The following HIP1R variants were observed in gnomAD, a reference collection of about 807,000 sequenced individuals.
HIP1R encodes huntingtin-interacting protein 1-related protein.
In HIP1R, 135 loss-of-function variants were observed where a neutral mutation model predicts 144.2. The ratio of observed to expected loss-of-function variants is 0.94; its 90% CI spans 0.81 to 1.08. HIP1R has a LOEUF of 1.08. HIP1R is among the 50% of genes least tolerant of loss of function. The pLI, the probability that HIP1R is intolerant of heterozygous loss-of-function variation, is 0.00. For synonymous variants in HIP1R, 698 were observed against 612.8 expected, an observed-to-expected ratio of 1.14 and a Z score of -2.05; for missense variants, 1,462 against 1,432.8, an observed-to-expected ratio of 1.02 and a Z score of -0.33.
chr12:122,837,755 G>A (rs528802642), intron 1 of HIP1R, among the ~76,000 whole-genome samples: 2 of 152,354 alleles, frequency 1.3e-5, no homozygotes, highest in Admixed American at 6.5e-5. Context: ...TGGAGTTTGA[G>A]TTCATTGTCT....
rs2033781199 is a variant in HIP1R at position 122,861,795 on chromosome 12, G to A, written c.*42G>A. 1.3e-6 allele frequency: 2 copies of A among 1,599,176 alleles called. No homozygotes were observed. The highest frequency in any genetic ancestry group is 8.6e-7 in the Non-Finnish European group (1 of 1,167,712). ...GCAGGGTGGCTGGTGACAGGCCTGGGCCTCTGCAACTGCCCTGACAGGACC... is the reference window on the plus strand; with the variant it reads ...GCAGGGTGGCTGGTGACAGGCCTGGACCTCTGCAACTGCCCTGACAGGACC... On this transcript the variant is annotated 3_prime_UTR_variant, in exon 32 of 32. Transcript: ENST00000253083.
chr12:122,856,037 G>T lies in HIP1R; in HGVS notation c.1186G>T (p.Glu396Ter). 1 of 1,596,148 alleles carries T rather than the reference G, an allele frequency of 6.3e-7. No homozygotes were observed. Among genetic ancestry groups the T allele is most frequent in the South Asian group, 1.1e-5 (1 of 88,270 alleles). Reference sequence around the variant, plus strand: ...GGTGAATGCACTGGAGGGTGAGCTGGAGGAGCAGCGGAAGCAGAAGCAGAA... The same window carrying T: ...GGTGAATGCACTGGAGGGTGAGCTGTAGGAGCAGCGGAAGCAGAAGCAGAA... ...SQVNALEGEL[E>*]EQRKQKQKAL... Residue 396 changes from glutamate to a stop codon, truncating the protein, a stop_gained, in exon 14 of 32, where the codon GAG (glutamate) becomes TAG (stop). Coordinates refer to ENST00000253083, the MANE Select transcript of HIP1R (RefSeq NM_003959.3). LOFTEE classifies it high-confidence loss of function.
At chr12:122,856,935 C>T in intron 17 of HIP1R, 86 bp from the exon 18 acceptor site, 1 of 1,336,596 alleles carries the variant, frequency 7.5e-7, no homozygotes, top group Non-Finnish European at 1.0e-6. Flanking sequence ...TCACTAACCC[C>T]CAGGGCCCAG....
At chr12:122,852,972 C>CG (rs893387974) in intron 7 of HIP1R, among the ~76,000 whole-genome samples, 1 of 152,184 alleles carries the variant, frequency 6.6e-6, no homozygotes, top group African/African-American at 2.4e-5. Context: ...GCCCCTCCCC[C>CG]CCAGGCTCTC....
At chr12:122,845,319 G>A (rs1031127697) in intron 1 of HIP1R, among the ~76,000 whole-genome samples, 19 of 152,222 alleles carry the variant, frequency 1.2e-4, no homozygotes, top group Admixed American at 1.1e-3. Context: ...CCCACTGTGC[G>A]AGCACTGTGC....
chr12:122,855,394 G>A lies in HIP1R; in HGVS notation c.982G>A (p.Gly328Arg). The A allele has an allele frequency of 6.4e-7, 1 of 1,570,516 alleles. No individual in the cohort carries two copies. ...TGAGATCAGCACAGGGCCCCCCGCGGGGGAGCCAGTGGTGAGCCCCCTGCC... is the reference window on the plus strand; with the variant it reads ...TGAGATCAGCACAGGGCCCCCCGCGAGGGAGCCAGTGGTGAGCCCCCTGCC... ...LIEISTGPPAGEPVVVADLFD... is the reference protein window; with the variant it reads ...LIEISTGPPAREPVVVADLFD... The change falls in exon 11 of 32, where the codon GGG becomes AGG. Residue 328 changes from glycine to arginine, a missense_variant. Around this residue, in one of 2 missense-constraint regions of HIP1R, gnomAD observed 1,112 missense variants for 1,011.7 expected, o/e 1.10. Transcript: ENST00000253083.
rs1414033562 is a variant in HIP1R, at chr12:122,856,688, C to T, written c.1582C>T (p.Leu528=). 6.3e-7 allele frequency: 1 copy of T among 1,594,868 alleles called. No individual in the cohort carries two copies. Among genetic ancestry groups the T allele is most frequent in the Non-Finnish European group, 8.5e-7 (1 of 1,171,206 alleles). The change falls in exon 17 of 32, where the codon CTG becomes TTG. Residue 528 remains leucine (L), a synonymous_variant. Transcript: ENST00000253083. ...KRELEAKAGE[L]ARAQEALSHT... is the part of the protein sequence containing the mutation. The stretch of plus-strand genomic sequence containing the variant: ...GGAGCTGGAGGCCAAGGCCGGAGAG[C>T]TGGCCCGCGCGCAGGAGGCCCTGAG...
At chr12:122,849,292 T>TA (rs1310728641) in intron 4 of HIP1R, among the ~76,000 whole-genome samples, 4 of 152,202 alleles carry the variant, frequency 2.6e-5, no homozygotes, top group Admixed American at 6.5e-5. Context: ...CCTCAGGAGT[T>TA]AGAGATGTCC....
chr12:122,836,358 TC>T lies in HIP1R; in HGVS notation c.93+718del, dbSNP rs2032895158. Among the ~76,000 whole-genome samples, 1 of 152,048 alleles carries T rather than the reference TC, an allele frequency of 6.6e-6. No homozygotes were observed. The highest frequency in any genetic ancestry group is 6.5e-5 in the Admixed American group (1 of 15,270). On this transcript the variant is annotated intron_variant, in intron 1 of 31. Coordinates refer to ENST00000253083, the MANE Select transcript of HIP1R (RefSeq NM_003959.3). This position sits in a 1 kb window ranked among gnomAD's most constrained non-coding sequence, Gnocchi z 4.1. The stretch of plus-strand genomic sequence containing the variant: ...CCGACAGACAGAAACTTCCTGGGGC[TC>T]CCTTCCTGCGCCTCCCACGCTTGTA...
At position 122,855,042 on chromosome 12, in the gene HIP1R, C is replaced by T. The variant is rs1276989622; in HGVS notation, c.777-11C>T. 6.2e-7 allele frequency: 1 copy of T among 1,613,772 alleles called. No individual in the cohort carries two copies. Among genetic ancestry groups the T allele is most frequent in the African/African-American group, 1.3e-5 (1 of 74,926 alleles). ...CCCTTCCTGAACCCGAACTTCCCACCATCTCTGCAGCCTCAGGAACTTCTT... is the reference window on the plus strand; with the variant it reads ...CCCTTCCTGAACCCGAACTTCCCACTATCTCTGCAGCCTCAGGAACTTCTT... On this transcript the variant is annotated splice_polypyrimidine_tract_variant and intron_variant, in intron 9 of 31. Coordinates refer to ENST00000253083, the MANE Select transcript of HIP1R (RefSeq NM_003959.3).
intron 26 of HIP1R, 80 bp from the exon 27 acceptor site, chr12:122,860,343 G>A (rs1593891664): frequency 6.4e-7 from 1 of 1,566,608 alleles, no homozygotes; most frequent in East Asian, 2.2e-5. Context: ...AGAGTGAGGG[G>A]GAGAGGGCCC....
chr12:122,860,369 C>T, intron 26 of HIP1R, 54 bp from the exon 27 acceptor site: 1 of 1,598,092 alleles, frequency 6.3e-7, no homozygotes, highest in Non-Finnish European at 8.6e-7. Context: ...GGCCACTTTC[C>T]ACCTTTGGTG....
At chr12:122,835,810 T>A (rs917151479) in intron 1 of HIP1R, among the ~76,000 whole-genome samples, 167 bp downstream of exon 1, 1 of 146,614 alleles carries the variant, frequency 6.8e-6, no homozygotes, top group Non-Finnish European at 1.5e-5. Flanking sequence ...AGAGCTCCGC[T>A]GCCGCCCCCC....
At chr12:122,835,284 CG>C (rs1364389480), upstream of HIP1R, 1 of 302,506 alleles carries the variant, frequency 3.3e-6, no homozygotes, top group Non-Finnish European at 4.1e-6. Context: ...CCCGAGATCG[CG>C]GGGGGTGGGG....
intron 18 of HIP1R, 46 bp downstream of exon 18, chr12:122,857,261 C>T (rs1431038610): frequency 2.0e-6 from 3 of 1,505,612 alleles, no homozygotes; most frequent in Non-Finnish European, 2.7e-6. Context: ...TCACTGCCGT[C>T]TGGCAACCAT....
At position 122,862,855 on chromosome 12, in the gene HIP1R, G is replaced by A. The variant is rs2033809858; in HGVS notation, c.*1102G>A. ...GAAAGGCTACCAAATACTGGCCAAG[G>A]TCAGGAGGAGCAAAAATGAGCCAGC... is the stretch of plus-strand genomic sequence containing the variant. On this transcript the variant is annotated 3_prime_UTR_variant, in exon 32 of 32. Transcript: ENST00000253083. 6.6e-6 allele frequency: 1 copy of A among 152,122 alleles called. No homozygotes were observed. The highest frequency in any genetic ancestry group is 2.4e-5 in the African/African-American group (1 of 41,418). The allele number at this position is 152,122 out of a possible 1,614,324, so 9.4% of individuals were successfully genotyped here.
chr12:122,858,498 C>T (rs2033665727), intron 20 of HIP1R, 63 bp downstream of exon 20: 4 of 1,353,654 alleles, frequency 3.0e-6, no homozygotes, highest in South Asian at 1.4e-5. Flanking sequence ...CCCATGGCCA[C>T]CTCTTGCCTT....
rs928708026 is a variant in HIP1R at position 122,848,368 on chromosome 12, G to C, written c.158-98G>C. 22 of 1,446,874 alleles carry C rather than the reference G, an allele frequency of 1.5e-5. No homozygotes were observed. The African/African-American group carries it at 2.5e-4, about 17-fold the overall frequency. The allele number at this position is 1,446,874 out of a possible 1,614,324, so 89.6% of individuals were successfully genotyped here. On this transcript the variant is annotated intron_variant, in intron 2 of 31. Transcript: ENST00000253083. The stretch of plus-strand genomic sequence containing the variant: ...CCGGGGTTGATGGGCACGTGATTGG[G>C]GGCCGGCCCTCTTCCGGCGGCCCTG...
At position 122,851,278 on chromosome 12, in the gene HIP1R, G is replaced by A. The variant is rs2135657463; in HGVS notation, c.558G>A (p.Glu186=). 8 of 1,556,136 alleles carry A rather than the reference G, an allele frequency of 5.1e-6. No individual in the cohort carries two copies. Among genetic ancestry groups the A allele is most frequent in the East Asian group, 4.9e-5 (2 of 40,944 alleles). The change falls in exon 7 of 32, where the codon GAG becomes GAA. Residue 186 remains glutamate (E), a synonymous_variant. Coordinates refer to ENST00000253083, the MANE Select transcript of HIP1R (RefSeq NM_003959.3). ...AGATGTTTGATTACATGGATTGTGAGCTGAAGCTTTCTGAATCAGGTGAGC... is the reference window on the plus strand; with the variant it reads ...AGATGTTTGATTACATGGATTGTGAACTGAAGCTTTCTGAATCAGGTGAGC... The part of the protein sequence containing the change: ...TVEMFDYMDC[E]LKLSESVFRQ...
Sources: allele counts gnomAD v4.1 joint callset (sites outside exome capture counted in the v4.1 genomes callset), GRCh38; gene constraint gnomAD v4.1.1; regional missense constraint gnomAD v4.1.1; non-coding constraint Gnocchi (gnomAD v3.1); transcripts MANE v1.5; gene names NCBI Gene and HGNC (gene_info 2026-07-23, HGNC 2026-07-21).